Variants in FARS2 observed in about 807,000 individuals in gnomAD.
FARS2 encodes phenylalanine--tRNA ligase, mitochondrial.
FARS2 carries 40 observed loss-of-function variants against 46.4 expected under a neutral mutation model. The ratio of observed to expected loss-of-function variants is 0.86; its 90% confidence interval spans 0.67 to 1.12. The LOEUF is 1.12. Ranked by LOEUF, FARS2 falls within the 50% of genes most tolerant of loss-of-function variation. The pLI is 0.00. For synonymous variants in FARS2, 234 were observed against 214.9 expected (o/e 1.09, Z -0.78); for missense variants, 513 against 567.9 (o/e 0.90, Z 0.98).
chr6:5,285,847 T>C (rs938732208), intron 1 of FARS2, among the ~76,000 whole-genome samples: 1 of 152,230 alleles, frequency 6.6e-6, no homozygotes, highest in Non-Finnish European at 1.5e-5. Context: ...TTCCTCAGTC[T>C]TGGGTGCTGC....
At chr6:5,482,700 A>G (rs1300148310) in intron 4 of FARS2, among the ~76,000 whole-genome samples, 1 of 152,194 alleles carries the variant, frequency 6.6e-6, no homozygotes, top group Non-Finnish European at 1.5e-5. Flanking sequence ...GTGCTGGGGA[A>G]GCACAGAGAA....
chr6:5,426,038 G>A (rs1762831355), intron 3 of FARS2, among the ~76,000 whole-genome samples: 1 of 151,954 alleles, frequency 6.6e-6, no homozygotes, highest in African/African-American at 2.4e-5. Flanking sequence ...TTTTCCTAAA[G>A]TATACTTTCT....
intron 5 of FARS2, among the ~76,000 whole-genome samples, chr6:5,592,454 G>C (rs1773972372): frequency 6.6e-6 from 1 of 151,444 alleles, no homozygotes; most frequent in African/African-American, 2.4e-5. Flanking sequence ...TATTTACTTT[G>C]ACTGGTTCAA....
At chr6:5,647,194 T>C (rs1018260280) in intron 6 of FARS2, among the ~76,000 whole-genome samples, 28 of 152,264 alleles carry the variant, frequency 1.8e-4, no homozygotes, top group Admixed American at 9.8e-4. Context: ...AAGTAGTGAG[T>C]CTGATTCTAG....
At chr6:5,762,184 G>T (rs1243278230) in intron 6 of FARS2, among the ~76,000 whole-genome samples, 1 of 152,204 alleles carries the variant, frequency 6.6e-6, no homozygotes, top group Admixed American at 6.5e-5. Context: ...ACCTTCAGCT[G>T]CCTGAATAAT....
intron 2 of FARS2, among the ~76,000 whole-genome samples, chr6:5,395,044 C>T (rs187947733): frequency 1.3e-5 from 2 of 151,906 alleles, no homozygotes; most frequent in East Asian, 1.9e-4. Flanking sequence ...GCTGAATGAC[C>T]GTCAACATTG....
chr6:5,594,905 C>T (rs984252644), intron 5 of FARS2, among the ~76,000 whole-genome samples: 2 of 152,188 alleles, frequency 1.3e-5, no homozygotes, highest in African/African-American at 4.8e-5. Flanking sequence ...TTGCTGAGCC[C>T]CTGACAGGAA....
At chr6:5,341,642 C>T (rs765906036) in intron 1 of FARS2, among the ~76,000 whole-genome samples, 4 of 151,874 alleles carry the variant, frequency 2.6e-5, no homozygotes, top group East Asian at 3.9e-4. Flanking sequence ...CCTCAGCCTC[C>T]GGAGTAGCTA....
intron 1 of FARS2, among the ~76,000 whole-genome samples, chr6:5,300,093 A>G (rs969402489): frequency 2.0e-5 from 3 of 152,180 alleles, no homozygotes; most frequent in East Asian, 1.9e-4. Context: ...TTATTTATCT[A>G]TGAGGACTCT....
chr6:5,685,692 C>T (rs976425466), intron 6 of FARS2, among the ~76,000 whole-genome samples: 4 of 152,146 alleles, frequency 2.6e-5, no homozygotes, highest in Non-Finnish European at 4.4e-5. Flanking sequence ...GGGGGCTGGA[C>T]GCTGGGGTAA....
At chr6:5,260,399 G>A (rs997867677), upstream of FARS2, among the ~76,000 whole-genome samples, 2 of 152,206 alleles carry the variant, frequency 1.3e-5, no homozygotes, top group Admixed American at 1.3e-4. Context: ...TACCAAGATA[G>A]CCTTTAGGGG....
At chr6:5,684,231 T>C (rs1779182117) in intron 6 of FARS2, among the ~76,000 whole-genome samples, 2 of 152,274 alleles carry the variant, frequency 1.3e-5, no homozygotes, top group South Asian at 4.1e-4. Context: ...GCCTGGGTCC[T>C]CAGAGGACCA....
chr6:5,278,755 T>A (rs1285093895), intron 1 of FARS2, among the ~76,000 whole-genome samples: 1 of 152,164 alleles, frequency 6.6e-6, no homozygotes, highest in Non-Finnish European at 1.5e-5. Context: ...AGATGCAGCC[T>A]TCCCCCTCTC....
At chr6:5,268,327 TA>T (rs1214557037) in intron 1 of FARS2, among the ~76,000 whole-genome samples, 1 of 152,172 alleles carries the variant, frequency 6.6e-6, no homozygotes, top group African/African-American at 2.4e-5. Context: ...CTAGGGTTTT[TA>T]TGGTTTTAGG....
intron 1 of FARS2, among the ~76,000 whole-genome samples, chr6:5,341,779 A>G (rs1014950281): frequency 6.6e-6 from 1 of 152,134 alleles, no homozygotes; most frequent in Non-Finnish European, 1.5e-5. Flanking sequence ...TTGGCCTCCC[A>G]AAGTGCTAGG....
At chr6:5,324,272 T>G (rs989236444) in intron 1 of FARS2, among the ~76,000 whole-genome samples, 2 of 152,194 alleles carry the variant, frequency 1.3e-5, no homozygotes, top group African/African-American at 4.8e-5. Flanking sequence ...GAGAGAATCA[T>G]GCATATGCAT....
intron 6 of FARS2, among the ~76,000 whole-genome samples, chr6:5,672,395 C>T (rs1459756936): frequency 2.0e-5 from 3 of 152,208 alleles, no homozygotes; most frequent in African/African-American, 7.2e-5. Flanking sequence ...GTGTTCCTCC[C>T]ACTGTACCAC....
chr6:5,378,139 C>T (rs1759499311), intron 2 of FARS2, among the ~76,000 whole-genome samples: 1 of 152,146 alleles, frequency 6.6e-6, no homozygotes, highest in Non-Finnish European at 1.5e-5. Context: ...GGTGTGTGTT[C>T]AGTTCATATA....
intron 4 of FARS2, among the ~76,000 whole-genome samples, chr6:5,534,519 T>C (rs752490807): frequency 8.5e-5 from 13 of 152,244 alleles, no homozygotes; most frequent in Non-Finnish European, 1.6e-4. Context: ...GCTTAGATTT[T>C]TTTTTGCCTG....
Sources: gnomAD v4.1 joint callset for allele counts (sites outside exome capture counted in the v4.1 genomes callset) on GRCh38, gnomAD v4.1.1 for gene constraint, MANE v1.5 for transcripts, NCBI Gene and HGNC (gene_info 2026-07-23, HGNC 2026-07-21) for gene names.